ACMSD: variants seen among roughly 807,000 people sequenced by gnomAD.
The protein encoded by ACMSD is aminocarboxymuconate semialdehyde decarboxylase.
Under a neutral mutation model 45.9 loss-of-function variants are expected in ACMSD, and 37 were observed. The ratio of observed to expected loss-of-function variants is 0.81; its 90% CI spans 0.62 to 1.06. The LOEUF is 1.06. ACMSD is among the 50% of genes least tolerant of loss of function. ACMSD has a pLI of 0.00. For missense variants in ACMSD, 434 were observed against 420.9 expected (o/e 1.03, Z -0.27); for synonymous variants, 138 against 148.8 (o/e 0.93, Z 0.53).
chr2:134,846,391 G>A (rs957702021), intron 2 of ACMSD, among the ~76,000 whole-genome samples: 10 of 152,066 alleles, frequency 6.6e-5, no homozygotes, highest in Non-Finnish European at 8.8e-5. Flanking sequence ...CTGATGCACT[G>A]TCAAGGGTTT....
At chr2:134,885,289 ATT>A (rs1335063104) in intron 8 of ACMSD, among the ~76,000 whole-genome samples, 5 of 53,188 alleles carry the variant, frequency 9.4e-5, no homozygotes, top group African/African-American at 4.7e-4. Flanking sequence ...TATATATTAT[ATT>A]TATATATATA....
At chr2:134,875,800 T>A (rs1688704370) in intron 8 of ACMSD, among the ~76,000 whole-genome samples, 1 of 152,218 alleles carries the variant, frequency 6.6e-6, no homozygotes, top group South Asian at 2.1e-4. Flanking sequence ...TACCGCTGCA[T>A]AATTACAGTC....
chr2:134,863,394 G>T lies in ACMSD; in HGVS notation c.250-1G>T. 1.2e-6 allele frequency: 2 copies of T among 1,613,978 alleles called. No individual in the cohort carries two copies. The highest frequency in any genetic ancestry group is 1.1e-5 in the South Asian group (1 of 91,062). On this transcript the variant is annotated splice_acceptor_variant, in intron 4 of 9. Coordinates refer to ENST00000356140, the MANE Select transcript of ACMSD (RefSeq NM_138326.3). LOFTEE classifies it high-confidence loss of function. Reference sequence around the variant, plus strand: ...GGTTTTCCCTTTCCTGTCTCCACCAGGCCAAACCTGAGGACACTTTAAACC... The same window carrying T: ...GGTTTTCCCTTTCCTGTCTCCACCATGCCAAACCTGAGGACACTTTAAACC...
intron 3 of ACMSD, among the ~76,000 whole-genome samples, chr2:134,860,965 G>A (rs527557323): frequency 1.7e-3 from 260 of 151,982 alleles, no homozygotes; most frequent in African/African-American, 5.3e-3. Flanking sequence ...AGGAGTTTGA[G>A]GCTGCAGTGA....
intron 2 of ACMSD, among the ~76,000 whole-genome samples, chr2:134,848,122 A>G (rs932843566): frequency 6.6e-6 from 1 of 152,200 alleles, no homozygotes; most frequent in South Asian, 2.1e-4. Flanking sequence ...AAGTGCTGGG[A>G]TTACAGGCGT....
In ACMSD at chr2:134,862,017, G is replaced by A. The variant is rs1687873639; in HGVS notation, c.248G>A (p.Trp83Ter). 1 of 1,614,122 alleles carries A rather than the reference G, an allele frequency of 6.2e-7. No homozygotes were observed. Among genetic ancestry groups the A allele is most frequent in the Admixed American group, 1.7e-5 (1 of 60,020 alleles). Residue 83 changes from tryptophan (W) to a stop codon, truncating the protein, a stop_gained and splice_region_variant, in exon 4 of 10, where the codon TGG becomes TAG. Transcript: ENST00000356140. LOFTEE classifies it high-confidence loss of function. ...LSTVPVMFSY[W>*]AKPEDTLNLC... Reference sequence around the variant, plus strand: ...ACAGTTCCTGTCATGTTTAGCTACTGGGTGAGTGTGAAACCTCAAGCCATC... The same window carrying A: ...ACAGTTCCTGTCATGTTTAGCTACTAGGTGAGTGTGAAACCTCAAGCCATC...
intron 6 of ACMSD, among the ~76,000 whole-genome samples, chr2:134,868,333 G>C (rs900510643): frequency 6.6e-6 from 1 of 152,034 alleles, no homozygotes; most frequent in Non-Finnish European, 1.5e-5. Flanking sequence ...ATCATCAGTT[G>C]TGGTAAGAAG....
intron 2 of ACMSD, among the ~76,000 whole-genome samples, chr2:134,856,295 G>A (rs1687577181): frequency 6.6e-6 from 1 of 152,098 alleles, no homozygotes; most frequent in Non-Finnish European, 1.5e-5. Flanking sequence ...TTGAATTCAG[G>A]CAATTTTATT....
chr2:134,898,853 A>C (rs1690338020), intron 9 of ACMSD, among the ~76,000 whole-genome samples: 2 of 152,172 alleles, frequency 1.3e-5, no homozygotes, highest in African/African-American at 4.8e-5. Context: ...CAGATCCTTT[A>C]AGTAACTAGA....
intron 5 of ACMSD, among the ~76,000 whole-genome samples, chr2:134,864,458 C>T (rs1468140901): frequency 2.6e-5 from 4 of 152,096 alleles, no homozygotes; most frequent in Non-Finnish European, 5.9e-5. Context: ...ATACATATAT[C>T]TATATTTTAA....
In ACMSD at chr2:134,871,526, G is replaced by GT. The variant is rs997680023; in HGVS notation, c.676+474dup. On this transcript the variant is annotated intron_variant, in intron 7 of 9. Transcript: ENST00000356140. ...TTTTGTCATTGTTTTTTTTTTTTCT[G>GT]TTTTTTTTATTTAAATCCCTCTAGT... Among the ~76,000 whole-genome samples the GT allele has an allele frequency of 2.7e-4, 37 of 136,572 alleles. 2 individuals are homozygous for GT. The highest frequency in any genetic ancestry group is 7.2e-4 in the African/African-American group (26 of 36,272). 89.6% of individuals were successfully genotyped at this position (136,572 alleles called of 152,430 possible).
chr2:134,841,530 G>A (rs543883218), intron 1 of ACMSD, among the ~76,000 whole-genome samples: 64 of 152,170 alleles, frequency 4.2e-4, no homozygotes, highest in African/African-American at 1.3e-3. Context: ...CATATCTGAC[G>A]TATAAAGACA....
At chr2:134,897,364 G>T (rs766337081) in intron 8 of ACMSD, among the ~76,000 whole-genome samples, 2 of 152,030 alleles carry the variant, frequency 1.3e-5, no homozygotes, top group African/African-American at 2.4e-5. Context: ...ATAACTTCAA[G>T]ATCATTCTTC....
chr2:134,898,498 G>T, intron 9 of ACMSD, 59 bp downstream of exon 9: 1 of 1,226,096 alleles, frequency 8.2e-7, no homozygotes, highest in Non-Finnish European at 1.1e-6. Context: ...AATTGGGTTT[G>T]GTTTCAGAGC....
chr2:134,846,627 G>A (rs553754335), intron 2 of ACMSD, among the ~76,000 whole-genome samples: 13 of 152,160 alleles, frequency 8.5e-5, no homozygotes, highest in South Asian at 8.3e-4. Flanking sequence ...GGCTGACCTC[G>A]AACTCCTGGC....
chr2:134,881,377 G>C (rs543144697), intron 8 of ACMSD, among the ~76,000 whole-genome samples: 19 of 152,200 alleles, frequency 1.2e-4, no homozygotes, highest in Non-Finnish European at 2.6e-4. Context: ...TGTAGTAAAA[G>C]AAACGGTTCA....
intron 7 of ACMSD, among the ~76,000 whole-genome samples, chr2:134,871,483 T>C (rs1309098945): frequency 6.6e-6 from 1 of 151,766 alleles, no homozygotes; most frequent in African/African-American, 2.4e-5. Flanking sequence ...CAAATTCTAC[T>C]TTTGTAGGCA....
chr2:134,873,426 T>A (rs1355835281), intron 8 of ACMSD: 1 of 152,258 alleles, frequency 6.6e-6, no homozygotes, highest in African/African-American at 2.4e-5. Flanking sequence ...CAATTCCATC[T>A]TATTAACAGA....
intron 5 of ACMSD, among the ~76,000 whole-genome samples, chr2:134,864,890 C>T (rs1162518005): frequency 1.3e-5 from 2 of 152,228 alleles, no homozygotes; most frequent in African/African-American, 2.4e-5. Flanking sequence ...ACTTTCAACT[C>T]TTTCTATAAC....
Sources: gnomAD v4.1 joint callset for allele counts (sites outside exome capture counted in the v4.1 genomes callset) on GRCh38, gnomAD v4.1.1 for gene constraint, MANE v1.5 for transcripts, NCBI Gene and HGNC (gene_info 2026-07-23, HGNC 2026-07-21) for gene names.